Variants in RAI14 observed in about 807,000 individuals in gnomAD.
RAI14 encodes the protein retinoic acid induced 14.
In RAI14, 45 loss-of-function variants were observed where a neutral mutation model predicts 115.4. The ratio of observed to expected loss-of-function variants is 0.39; its 90% CI spans 0.31 to 0.50. The LOEUF (loss-of-function observed/expected upper bound fraction) is 0.50. RAI14 is among the 20% of genes least tolerant of loss of function. The probability of loss-of-function intolerance (pLI) is 0.85; values close to 1 mark genes in which losing one functional copy is unlikely to be tolerated. For missense variants in RAI14, 939 were observed against 1,131.2 expected, an observed-to-expected ratio of 0.83 and a Z score of 2.44; for synonymous variants, 371 against 415.4, an observed-to-expected ratio of 0.89 and a Z score of 1.30.
At chr5:34,700,836 C>T (rs1739973763) in intron 2 of RAI14, among the ~76,000 whole-genome samples, 2 of 152,296 alleles carry the variant, frequency 1.3e-5, no homozygotes, top group South Asian at 2.1e-4. Context: ...GTTGAAGAAC[C>T]ACACTAAAGA....
At chr5:34,776,564 G>A (rs1750859708) in intron 3 of RAI14, among the ~76,000 whole-genome samples, 2 of 152,070 alleles carry the variant, frequency 1.3e-5, no homozygotes, top group Non-Finnish European at 2.9e-5. Flanking sequence ...CCAGCACTTT[G>A]GAAGGCTGAG....
In RAI14 at chr5:34,811,769, CT is replaced by C. The variant is rs1483552007; in HGVS notation, c.561del (p.Ala188LeufsTer17). Reference protein sequence around the residue: ...DVNSRNKSGRTALMLACEIGS... With the variant: ...DVNSRNKSGRXALMLACEIGS... ...TTTGTGTCTCTTTTTTCCTTTAGAA[CT>C]GCTCTCATGCTGGCCTGTGAGATTG... On this transcript the variant is annotated frameshift_variant, in exon 9 of 18. Coordinates refer to ENST00000265109, the MANE Select transcript of RAI14 (RefSeq NM_015577.3). LOFTEE classifies it high-confidence loss of function. The C allele has an allele frequency of 6.2e-7, 1 of 1,610,142 alleles. No homozygotes were observed. Among genetic ancestry groups the C allele is most frequent in the Non-Finnish European group, 8.5e-7 (1 of 1,179,018 alleles).
intron 2 of RAI14, among the ~76,000 whole-genome samples, chr5:34,718,445 C>G (rs1385390219): frequency 6.6e-6 from 1 of 152,196 alleles, no homozygotes; most frequent in Admixed American, 6.5e-5. Flanking sequence ...ATGGTGAGAT[C>G]AAAATGTATT....
Position 34,830,842 on chromosome 5 carries a change from ATTGTTCTCATTCGTGGTATGCACTG to A in RAI14, c.*79_*103del, listed in dbSNP as rs1757969348. ...TCCAGAGTTGTCGGCAGCCGCTGCC[ATTGTTCTCATTCGTGGTATGCACTG>A]TGGCCTAGCGTAGCTTCTTCCCTTT... On this transcript the variant is annotated 3_prime_UTR_variant, in exon 18 of 18. Coordinates refer to ENST00000265109, the MANE Select transcript of RAI14 (RefSeq NM_015577.3). 2.5e-6 allele frequency: 4 copies of A among 1,594,266 alleles called. No homozygotes were observed. Among genetic ancestry groups the A allele is most frequent in the Non-Finnish European group, 3.4e-6 (4 of 1,169,694 alleles).
intron 16 of RAI14, 36 bp from the exon 17 acceptor site, chr5:34,829,696 T>G: frequency 6.5e-7 from 1 of 1,550,230 alleles, no homozygotes; most frequent in Non-Finnish European, 8.9e-7. Flanking sequence ...AAAGATCTCT[T>G]AAGCTCATTA....
intron 5 of RAI14, among the ~76,000 whole-genome samples, chr5:34,804,294 C>A (rs1238593046): frequency 1.3e-5 from 2 of 152,202 alleles, no homozygotes; most frequent in Admixed American, 6.5e-5. Flanking sequence ...TTTCAGCCAA[C>A]TCCCTGGTTC....
At chr5:34,777,419 A>G (rs1751002217) in intron 3 of RAI14, among the ~76,000 whole-genome samples, 1 of 152,210 alleles carries the variant, frequency 6.6e-6, no homozygotes, top group African/African-American at 2.4e-5. Context: ...TAAGACAGGA[A>G]CAGAAAGACA....
At chr5:34,722,608 G>C (rs544568382) in intron 2 of RAI14, among the ~76,000 whole-genome samples, 16 of 152,324 alleles carry the variant, frequency 1.1e-4, no homozygotes, top group African/African-American at 3.6e-4. Context: ...CACTTTGGGA[G>C]GCTGAGGCGG....
intron 2 of RAI14, among the ~76,000 whole-genome samples, chr5:34,698,404 T>C (rs181737858): frequency 5.3e-5 from 8 of 151,774 alleles, no homozygotes; most frequent in African/African-American, 1.7e-4. Context: ...CCTAAAATTG[T>C]GTGTGTGATG....
intron 2 of RAI14, among the ~76,000 whole-genome samples, chr5:34,753,828 C>G (rs1363274348): frequency 1.3e-5 from 2 of 151,588 alleles, no homozygotes; most frequent in African/African-American, 4.9e-5. Flanking sequence ...GCAGGAAAAT[C>G]GCTTGAACCC....
chr5:34,744,973 C>A (rs2150056411), intron 2 of RAI14, among the ~76,000 whole-genome samples: 1 of 152,298 alleles, frequency 6.6e-6, no homozygotes, highest in African/African-American at 2.4e-5. Context: ...CCTCCATTAT[C>A]ACATAGCCTT....
intron 15 of RAI14, among the ~76,000 whole-genome samples, chr5:34,825,351 T>C (rs1175038363): frequency 1.3e-5 from 2 of 152,190 alleles, no homozygotes; most frequent in Admixed American, 1.3e-4. Flanking sequence ...ATCTGTCCTT[T>C]AAAAATCATT....
intron 1 of RAI14, among the ~76,000 whole-genome samples, chr5:34,663,873 A>C (rs1051421721): frequency 5.9e-5 from 9 of 152,192 alleles, no homozygotes; most frequent in Non-Finnish European, 1.3e-4. Flanking sequence ...AAGTTTGTGC[A>C]TTGTGTCTTG....
chr5:34,715,437 C>T (rs910799568), intron 2 of RAI14, among the ~76,000 whole-genome samples: 4 of 152,148 alleles, frequency 2.6e-5, no homozygotes, highest in African/African-American at 9.7e-5. Flanking sequence ...TCCCTAGCTT[C>T]TGCAGGTAAT....
chr5:34,830,588 G>A, intron 17 of RAI14, 100 bp from the exon 18 acceptor site: 1 of 1,565,900 alleles, frequency 6.4e-7, no homozygotes, highest in Non-Finnish European at 8.7e-7. Context: ...GTGGGAATTA[G>A]CCCAGGTCTT....
intron 2 of RAI14, among the ~76,000 whole-genome samples, chr5:34,705,451 GA>G (rs753407253): frequency 3.9e-5 from 6 of 151,978 alleles, no homozygotes; most frequent in Non-Finnish European, 7.4e-5. Flanking sequence ...AGGCTATCAG[GA>G]AATATAACAT....
At chr5:34,730,079 C>T (rs1025619141) in intron 2 of RAI14, among the ~76,000 whole-genome samples, 1 of 152,060 alleles carries the variant, frequency 6.6e-6, no homozygotes, top group Non-Finnish European at 1.5e-5. Flanking sequence ...CTGAAAGGCA[C>T]GAGACTGACA....
chr5:34,828,521 G>GTGTGTGT (rs11273829), intron 16 of RAI14, among the ~76,000 whole-genome samples: 1 of 151,626 alleles, frequency 6.6e-6, no homozygotes, highest in African/African-American at 2.4e-5. Context: ...CTTATGATGT[G>GTGTGTGT]AACTTAAAGG....
intron 1 of RAI14, among the ~76,000 whole-genome samples, chr5:34,665,183 ATATATG>A (rs1382160233): frequency 3.6e-5 from 2 of 55,270 alleles, no homozygotes; most frequent in African/African-American, 1.5e-4. Context: ...ACACACATAT[ATATATG>A]TATATATATA....
Sources: allele counts gnomAD v4.1 joint callset (sites outside exome capture counted in the v4.1 genomes callset), GRCh38; gene constraint gnomAD v4.1.1; transcripts MANE v1.5; gene names NCBI Gene and HGNC (gene_info 2026-07-23, HGNC 2026-07-21).